CGGBP1: variants seen among roughly 807,000 people sequenced by gnomAD.
CGGBP1 encodes the protein CGG triplet repeat binding protein 1, also known as CGG triplet repeat-binding protein 1.
CGGBP1 carries 4 observed loss-of-function variants against 11.4 expected under a neutral mutation model. The ratio of observed to expected loss-of-function variants is 0.35; its 90% CI spans 0.17 to 0.80. The LOEUF (loss-of-function observed/expected upper bound fraction) is 0.80. Among genes scored for constraint, CGGBP1 ranks in the 30% least tolerant of loss-of-function variants. The pLI, the probability that CGGBP1 is intolerant of heterozygous loss-of-function variation, is 0.52. For synonymous variants in CGGBP1, 76 were observed against 74.1 expected (o/e 1.03, Z -0.13); for missense variants, 135 against 202.1 (o/e 0.67, Z 2.01).
intron 3 of CGGBP1, 137 bp downstream of exon 3, chr3:88,057,054 G>A (rs1706562073): frequency 6.6e-6 from 1 of 152,128 alleles, no homozygotes. Context: ...GACTTAAGAA[G>A]TTAAAGTGAA....
intron 2 of CGGBP1, among the ~76,000 whole-genome samples, chr3:88,109,553 T>A (rs1166989349): frequency 6.6e-6 from 1 of 152,168 alleles, no homozygotes; most frequent in African/African-American, 2.4e-5. Context: ...CAAATCTTTC[T>A]TGTATTTTAG....
At chr3:88,092,288 C>T (rs749339199) in intron 2 of CGGBP1, among the ~76,000 whole-genome samples, 5 of 152,132 alleles carry the variant, frequency 3.3e-5, no homozygotes, top group Admixed American at 6.5e-5. Flanking sequence ...TAAAGCTCTG[C>T]TTGCTTCTAG....
intron 2 of CGGBP1, among the ~76,000 whole-genome samples, chr3:88,088,748 G>GGA (rs1302538079): frequency 5.0e-5 from 4 of 79,638 alleles, no homozygotes; most frequent in East Asian, 4.4e-4. Context: ...CTTTATTTAT[G>GGA]TATGTATGTA....
intron 2 of CGGBP1, among the ~76,000 whole-genome samples, chr3:88,116,575 CACAT>C (rs999989203): frequency 6.6e-6 from 1 of 150,988 alleles, no homozygotes; most frequent in Non-Finnish European, 1.5e-5. Flanking sequence ...CACACACACA[CACAT>C]GCACATATAT....
chr3:88,079,852 C>T (rs1707992570), intron 2 of CGGBP1, among the ~76,000 whole-genome samples: 1 of 151,976 alleles, frequency 6.6e-6, no homozygotes, highest in Non-Finnish European at 1.5e-5. Flanking sequence ...TACTAAGCCC[C>T]CAGAAATACC....
At chr3:88,123,304 T>C (rs1442418520) in intron 2 of CGGBP1, among the ~76,000 whole-genome samples, 2 of 152,208 alleles carry the variant, frequency 1.3e-5, no homozygotes, top group Non-Finnish European at 2.9e-5. Context: ...GTCTCCAAAA[T>C]ATGGTATTTT....
At chr3:88,111,966 T>C (rs1705115658) in intron 2 of CGGBP1, among the ~76,000 whole-genome samples, 2 of 152,000 alleles carry the variant, frequency 1.3e-5, no homozygotes, top group Admixed American at 1.3e-4. Context: ...CTGCGAAATA[T>C]TCTCTTGCAG....
Position 88,052,582 on chromosome 3 carries a change from A to G in CGGBP1, c.*2891T>C, listed in dbSNP as rs1049120114. 3.3e-5 allele frequency: 5 copies of G among 152,618 alleles called. No individual in the cohort carries two copies. Among genetic ancestry groups the G allele is most frequent in the East Asian group, 1.9e-4 (1 of 5,200 alleles). 9.5% of individuals were successfully genotyped at this position (152,618 alleles called of 1,614,324 possible). On this transcript the variant is annotated 3_prime_UTR_variant, in exon 4 of 4. Coordinates refer to ENST00000482016, the MANE Select transcript of CGGBP1 (RefSeq NM_001008390.2). Reference sequence around the variant, plus strand: ...GGAGATCTTGCCAACTGTACTTACAACAGTTTTAAAGCAATTGATACTTTC... The same window carrying G: ...GGAGATCTTGCCAACTGTACTTACAGCAGTTTTAAAGCAATTGATACTTTC...
chr3:88,143,040 C>A (rs572651785), intron 1 of CGGBP1: 34 of 152,334 alleles, frequency 2.2e-4, no homozygotes, highest in African/African-American at 7.9e-4. Context: ...CAAAACAGAT[C>A]TCCTAATGTC....
chr3:88,060,835 C>T (rs1191203413), upstream of CGGBP1, among the ~76,000 whole-genome samples: 3 of 151,636 alleles, frequency 2.0e-5, no homozygotes, highest in South Asian at 2.1e-4. Flanking sequence ...TAAGAATTCC[C>T]TTACAAGCAT....
intron 1 of CGGBP1, chr3:88,141,127 AT>A: frequency 1.1e-5 from 16 of 1,477,504 alleles, no homozygotes; most frequent in Non-Finnish European, 1.3e-5. Context: ...GATCTTTGAG[AT>A]TTAAAAAATT....
intron 2 of CGGBP1, among the ~76,000 whole-genome samples, chr3:88,075,528 G>C (rs1576211851): frequency 6.6e-6 from 1 of 152,160 alleles, no homozygotes; most frequent in African/African-American, 2.4e-5. Context: ...TAGGAGCCCA[G>C]TAAAGACAAT....
At chr3:88,105,263 G>C (rs1032285675) in intron 2 of CGGBP1, among the ~76,000 whole-genome samples, 2 of 142,160 alleles carry the variant, frequency 1.4e-5, no homozygotes, top group Non-Finnish European at 3.1e-5. Context: ...TAGATAAACA[G>C]ATACATACAT....
chr3:88,059,501 G>C, upstream of CGGBP1: 1 of 1,482,094 alleles, frequency 6.7e-7, no homozygotes, highest in Non-Finnish European at 8.9e-7. Context: ...CGACGCTTCT[G>C]TCAGGTGAGG....
At chr3:88,133,204 A>G (rs1706569254) in intron 2 of CGGBP1, among the ~76,000 whole-genome samples, 1 of 152,110 alleles carries the variant, frequency 6.6e-6, no homozygotes, top group African/African-American at 2.4e-5. Context: ...CATAGGAGAC[A>G]TGGCCACTGG....
chr3:88,149,614 C>T (rs1057060786), intron 1 of CGGBP1: 15 of 155,430 alleles, frequency 9.7e-5, no homozygotes, highest in Non-Finnish European at 1.9e-4. Context: ...TCCCGGGGGC[C>T]CGGCCAGCGG....
At chr3:88,104,800 C>T (rs543307720) in intron 2 of CGGBP1, among the ~76,000 whole-genome samples, 11 of 152,256 alleles carry the variant, frequency 7.2e-5, no homozygotes, top group African/African-American at 1.7e-4. Context: ...ACAGAACAAA[C>T]AAAACTATTA....
At chr3:88,058,484 C>T (rs1312376440) in intron 1 of CGGBP1, among the ~76,000 whole-genome samples, 1 of 152,086 alleles carries the variant, frequency 6.6e-6, no homozygotes, top group Non-Finnish European at 1.5e-5. Flanking sequence ...GGGCCCGGGA[C>T]GTTCCCGGCG....
chr3:88,061,828 G>A (rs1390117753), upstream of CGGBP1, among the ~76,000 whole-genome samples: 1 of 152,126 alleles, frequency 6.6e-6, no homozygotes, highest in Non-Finnish European at 1.5e-5. Flanking sequence ...TGACTTAATC[G>A]TGAGTAATGC....
Sources: gnomAD v4.1 joint callset for allele counts (sites outside exome capture counted in the v4.1 genomes callset) on GRCh38, gnomAD v4.1.1 for gene constraint, MANE v1.5 for transcripts, NCBI Gene and HGNC (gene_info 2026-07-23, HGNC 2026-07-21) for gene names.